The following ONECUT2 variants were observed in gnomAD, a reference collection of about 807,000 sequenced individuals.
ONECUT2 encodes one cut homeobox 2.
ONECUT2 carries 10 observed loss-of-function variants against 27.9 expected under a neutral mutation model. The observed-to-expected ratio is 0.36, with a 90% CI of 0.22 to 0.61. The LOEUF (loss-of-function observed/expected upper bound fraction) is 0.61. Ranked by LOEUF, ONECUT2 falls within the 20% of genes least tolerant of loss-of-function variation. The pLI is 0.73. For missense variants in ONECUT2, 686 were observed against 721.0 expected, an observed-to-expected ratio of 0.95 and a Z score of 0.56; for synonymous variants, 334 against 315.1, an observed-to-expected ratio of 1.06 and a Z score of -0.64.
chr18:57,467,491 G>T (rs540490724), intron 1 of ONECUT2, among the ~76,000 whole-genome samples: 61 of 152,026 alleles, frequency 4.0e-4, no homozygotes, highest in Middle Eastern at 3.4e-3. Context: ...TCGGCCTCCC[G>T]AGTATCTGGG....
chr18:57,450,521 A>G (rs975892475), intron 1 of ONECUT2, among the ~76,000 whole-genome samples: 3 of 152,246 alleles, frequency 2.0e-5, no homozygotes, highest in Non-Finnish European at 4.4e-5. Flanking sequence ...ATTGTTGGAA[A>G]TATTGGCTAC....
At chr18:57,475,056 A>T (rs1456793098) in intron 1 of ONECUT2, among the ~76,000 whole-genome samples, 4 of 125,546 alleles carry the variant, frequency 3.2e-5, no homozygotes, top group Non-Finnish European at 4.8e-5. Flanking sequence ...ATTTCAAGTG[A>T]TTTTTTTTTT....
chr18:57,446,940 C>T, intron 1 of ONECUT2, among the ~76,000 whole-genome samples: 1 of 152,238 alleles, frequency 6.6e-6, no homozygotes, highest in Non-Finnish European at 1.5e-5. Flanking sequence ...AGGGCTGTGC[C>T]AACTGTAAGG....
intron 1 of ONECUT2, among the ~76,000 whole-genome samples, chr18:57,471,098 G>A (rs898869761): frequency 6.6e-6 from 1 of 152,178 alleles, no homozygotes; most frequent in African/African-American, 2.4e-5. Context: ...CCTCCATGAT[G>A]TTCTCCAGTC....
At chr18:57,453,494 G>T (rs2050242029) in intron 1 of ONECUT2, among the ~76,000 whole-genome samples, 1 of 19,622 alleles carries the variant, frequency 5.1e-5, no homozygotes, top group Non-Finnish European at 1.3e-4. Context: ...TGTTTAGCTA[G>T]ATTTGTTCTG....
At chr18:57,449,576 A>G (rs576915324) in intron 1 of ONECUT2, among the ~76,000 whole-genome samples, 1 of 152,338 alleles carries the variant, frequency 6.6e-6, no homozygotes, top group South Asian at 2.1e-4. Flanking sequence ...TCGCCAGTGG[A>G]GCAAGAGATG....
At chr18:57,474,926 T>A (rs1347993114) in intron 1 of ONECUT2, among the ~76,000 whole-genome samples, 1 of 152,122 alleles carries the variant, frequency 6.6e-6, no homozygotes, top group Admixed American at 6.5e-5. Flanking sequence ...GGCCAGAATA[T>A]CCAGTAGGAT....
At position 57,436,650 on chromosome 18, in the gene ONECUT2, C is replaced by T. The variant is rs752731117; in HGVS notation, c.934C>T (p.Arg312Cys). The change falls in exon 1 of 2, where the codon CGC becomes TGC. Residue 312 changes from arginine (R) to cysteine (C), a missense_variant. Physicochemically the swap from Arg to Cys is radical, Grantham distance 180 (BLOSUM62 -3). Around this residue, in one of 4 missense-constraint regions of ONECUT2, gnomAD observed 511 missense variants for 488.1 expected, o/e 1.05. Transcript: ENST00000491143. The surrounding 1 kb of genome is among the most constrained non-coding windows in gnomAD (Gnocchi z 5.9). ...TCACGGGCCGGTGCTGGCACCCAGTCGCGAGCGGCCACCCTCGTCCTCATC... is the reference window on the plus strand; with the variant it reads ...TCACGGGCCGGTGCTGGCACCCAGTTGCGAGCGGCCACCCTCGTCCTCATC... Reference protein sequence around the residue: ...QSHGPVLAPSRERPPSSSSGS... With the variant: ...QSHGPVLAPSCERPPSSSSGS... 3.1e-6 allele frequency: 5 copies of T among 1,612,164 alleles called. No individual in the cohort carries two copies. The Admixed American group carries it at 5.0e-5, about 16-fold the overall frequency.
Position 57,477,368 on chromosome 18 carries a change from G to A in ONECUT2, c.*645G>A, listed in dbSNP as rs2050389600. ...TTTCCAACCCAGACATCTTTTCATT[G>A]AATGATTTAGAAAGCTTTAAGTTGA... On this transcript the variant is annotated 3_prime_UTR_variant, in exon 2 of 2. Transcript: ENST00000491143. 6.6e-6 allele frequency: 1 copy of A among 151,060 alleles called. No individual in the cohort carries two copies. The highest frequency in any genetic ancestry group is 2.4e-5 in the African/African-American group (1 of 41,112). The allele number at this position is 151,060 out of a possible 1,614,324, so 9.4% of individuals were successfully genotyped here. A position where few individuals can be genotyped will look rare whatever the true frequency, so the allele number is the denominator to read the frequency against.
At position 57,479,252 on chromosome 18, in the gene ONECUT2, G is replaced by A. The variant is rs1331180706; in HGVS notation, c.*2529G>A. 1 of 152,234 alleles carries A rather than the reference G, an allele frequency of 6.6e-6. No individual in the cohort carries two copies. The highest frequency in any genetic ancestry group is 1.9e-4 in the East Asian group (1 of 5,184). The allele number at this position is 152,234 out of a possible 1,614,324, so 9.4% of individuals were successfully genotyped here. On this transcript the variant is annotated 3_prime_UTR_variant, in exon 2 of 2. Coordinates refer to ENST00000491143, the MANE Select transcript of ONECUT2 (RefSeq NM_004852.3). ...CTAACAGGGCTTCATTTGGGGGTGG[G>A]GGGAAACATGTAAAAATAATTGCCA...
chr18:57,466,165 GT>G (rs2050320320), intron 1 of ONECUT2, among the ~76,000 whole-genome samples: 1 of 152,210 alleles, frequency 6.6e-6, no homozygotes, highest in South Asian at 2.1e-4. Context: ...GTGGAAGGGA[GT>G]GGGGAGTACT....
intron 1 of ONECUT2, among the ~76,000 whole-genome samples, chr18:57,454,921 A>C (rs1403603738): frequency 6.6e-6 from 1 of 152,198 alleles, no homozygotes; most frequent in Non-Finnish European, 1.5e-5. Context: ...TCCATTTTGC[A>C]AGTGTGGTAT....
At position 57,489,619 on chromosome 18, in the gene ONECUT2, G is replaced by GT. The variant is rs1300917459; in HGVS notation, c.*12902dup. 1 of 152,142 alleles carries GT rather than the reference G, an allele frequency of 6.6e-6. No individual in the cohort carries two copies. Among genetic ancestry groups the GT allele is most frequent in the African/African-American group, 2.4e-5 (1 of 41,428 alleles). 9.4% of individuals were successfully genotyped at this position (152,142 alleles called of 1,614,324 possible). On this transcript the variant is annotated 3_prime_UTR_variant, in exon 2 of 2. Coordinates refer to ENST00000491143, the MANE Select transcript of ONECUT2 (RefSeq NM_004852.3). ...AAGAGTCAGCTTTATCTCTAGGAAA[G>GT]TTTTTTCAGATTATGACAAGGAACC...
intron 1 of ONECUT2, among the ~76,000 whole-genome samples, chr18:57,439,964 C>G (rs2050165412): frequency 6.6e-6 from 1 of 152,240 alleles, no homozygotes; most frequent in African/African-American, 2.4e-5. Flanking sequence ...CACCCTTAGG[C>G]GAGGTCACAA....
At chr18:57,442,187 A>G (rs2050178742) in intron 1 of ONECUT2, among the ~76,000 whole-genome samples, 1 of 149,734 alleles carries the variant, frequency 6.7e-6, no homozygotes, top group African/African-American at 2.5e-5. Flanking sequence ...ATTTTATGGA[A>G]AAAAAATAAA....
In ONECUT2 at chr18:57,436,574, G is replaced by A. The variant is rs574314244; in HGVS notation, c.858G>A (p.Ala286=). Reference sequence around the variant, plus strand: ...CCCGCGGCCTGGGCACCCCACCTGCGGCCATGATGTCGCACCTGAACGGCC... The same window carrying A: ...CCCGCGGCCTGGGCACCCCACCTGCAGCCATGATGTCGCACCTGAACGGCC... ...HLSRGLGTPP[A]AMMSHLNGLH... is the part of the protein sequence containing the mutation. The change falls in exon 1 of 2, where the codon GCG becomes GCA. Residue 286 remains alanine (A), a synonymous_variant. Transcript: ENST00000491143. The surrounding 1 kb of genome is among the most constrained non-coding windows in gnomAD (Gnocchi z 5.9). The A allele has an allele frequency of 6.2e-7, 1 of 1,610,968 alleles. No homozygotes were observed. The highest frequency in any genetic ancestry group is 2.2e-5 in the East Asian group (1 of 44,868).
chr18:57,475,923 A>G (rs951583182), intron 1 of ONECUT2, among the ~76,000 whole-genome samples: 2 of 152,122 alleles, frequency 1.3e-5, no homozygotes, highest in African/African-American at 4.8e-5. Flanking sequence ...GTCACTTCTA[A>G]ATTCATTCTG....
chr18:57,436,957 C>A lies in ONECUT2; in HGVS notation c.1228+13C>A. 1 of 1,570,098 alleles carries A rather than the reference C, an allele frequency of 6.4e-7. No homozygotes were observed. The stretch of plus-strand genomic sequence containing the variant: ...TTACGCCTGGCAGGTAAGGCCGGGG[C>A]TAGCCAGGGGCCAGGCTGCTGGGAA... On this transcript the variant is annotated intron_variant, in intron 1 of 1. Coordinates refer to ENST00000491143, the MANE Select transcript of ONECUT2 (RefSeq NM_004852.3). The surrounding 1 kb of genome is among the most constrained non-coding windows in gnomAD (Gnocchi z 5.9).
At chr18:57,459,183 G>A (rs1331885546) in intron 1 of ONECUT2, among the ~76,000 whole-genome samples, 2 of 152,088 alleles carry the variant, frequency 1.3e-5, no homozygotes, top group Non-Finnish European at 1.5e-5. Context: ...GTTGCCTTCA[G>A]GAAACCCACT....
Sources: allele counts gnomAD v4.1 joint callset (sites outside exome capture counted in the v4.1 genomes callset), GRCh38; gene constraint gnomAD v4.1.1; regional missense constraint gnomAD v4.1.1; non-coding constraint Gnocchi (gnomAD v3.1); transcripts MANE v1.5; gene names NCBI Gene and HGNC (gene_info 2026-07-23, HGNC 2026-07-21).